The following COL15A1 variants were observed in gnomAD, a reference collection of about 807,000 sequenced individuals.
COL15A1 encodes collagen type XV alpha 1 chain, also known as collagen alpha-1(XV) chain.
In COL15A1, 111 loss-of-function variants were observed where a neutral mutation model predicts 165.9. The observed-to-expected ratio is 0.67, with a 90% confidence interval of 0.57 to 0.78. The LOEUF is 0.78. Among genes scored for constraint, COL15A1 ranks in the 30% least tolerant of loss-of-function variants. The pLI, the probability that COL15A1 is intolerant of heterozygous loss-of-function variation, is 0.00. For missense variants in COL15A1, 1,745 were observed against 1,789.7 expected, an observed-to-expected ratio of 0.98 and a Z score of 0.45; for synonymous variants, 659 against 674.8, an observed-to-expected ratio of 0.98 and a Z score of 0.36.
intron 2 of COL15A1, among the ~76,000 whole-genome samples, chr9:98,977,468 G>T (rs1330265067): frequency 6.6e-6 from 1 of 152,236 alleles, no homozygotes; most frequent in Non-Finnish European, 1.5e-5. Context: ...AAATGAGCCA[G>T]CAGGCCCAGG....
chr9:98,975,377 C>A (rs1184522223), intron 2 of COL15A1, among the ~76,000 whole-genome samples: 1 of 152,222 alleles, frequency 6.6e-6, no homozygotes, highest in Non-Finnish European at 1.5e-5. Context: ...TCCAGCCCAT[C>A]GCACGGAAGG....
chr9:99,065,430 A>G (rs1825875433), intron 39 of COL15A1, among the ~76,000 whole-genome samples: 1 of 152,032 alleles, frequency 6.6e-6, no homozygotes, highest in African/African-American at 2.4e-5. Context: ...GGGTGGGGGC[A>G]GTATAGTCAG....
At chr9:98,945,541 G>T (rs1040587633) in intron 2 of COL15A1, among the ~76,000 whole-genome samples, 1 of 151,602 alleles carries the variant, frequency 6.6e-6, no homozygotes, top group Non-Finnish European at 1.5e-5. Flanking sequence ...AAGGAAACGG[G>T]ATTGAGAAGG....
chr9:99,069,762 C>A lies in COL15A1; in HGVS notation c.4043C>A (p.Ala1348Glu). 1 of 1,614,244 alleles carries A rather than the reference C, an allele frequency of 6.2e-7. No individual in the cohort carries two copies. The highest frequency in any genetic ancestry group is 8.5e-7 in the Non-Finnish European group (1 of 1,180,036). ...GAAGCATGGCGAACCGCGGACACAG[C>A]GGTCACGGGACTTGCCTCCCCGCTG... ...YCEAWRTADTAVTGLASPLST... is the reference protein window; with the variant it reads ...YCEAWRTADTEVTGLASPLST... Residue 1348 changes from alanine to glutamate, a missense_variant, in exon 42 of 42, where the codon GCG becomes GAG. Transcript: ENST00000375001.
chr9:99,034,386 G>T (rs533084891), intron 16 of COL15A1, among the ~76,000 whole-genome samples, 163 bp from the exon 17 acceptor site: 46 of 152,204 alleles, frequency 3.0e-4, no homozygotes, highest in African/African-American at 1.0e-3. Flanking sequence ...CAACAGACTG[G>T]CACCTATTGT....
At chr9:98,986,214 C>A in intron 3 of COL15A1, 102 bp downstream of exon 3, 2 of 947,962 alleles carry the variant, frequency 2.1e-6, no homozygotes, top group Non-Finnish European at 3.1e-6. Flanking sequence ...ATTCTTATGT[C>A]CTCAAAGAAG....
intron 16 of COL15A1, among the ~76,000 whole-genome samples, chr9:99,031,415 A>C (rs1358754774): frequency 6.6e-6 from 1 of 152,184 alleles, no homozygotes; most frequent in Non-Finnish European, 1.5e-5. Context: ...TAGCAAACCC[A>C]TGAACCTCAC....
intron 39 of COL15A1, among the ~76,000 whole-genome samples, chr9:99,063,835 C>T (rs1588540817): frequency 1.3e-5 from 2 of 152,032 alleles, no homozygotes; most frequent in East Asian, 3.9e-4. Context: ...GAATATGGCG[C>T]ATTAAAGATG....
At chr9:98,963,263 C>T (rs1837891384) in intron 2 of COL15A1, among the ~76,000 whole-genome samples, 1 of 133,136 alleles carries the variant, frequency 7.5e-6, no homozygotes, top group African/African-American at 2.9e-5. Context: ...CCTCACTTCT[C>T]ACAATGCCTG....
intron 9 of COL15A1, among the ~76,000 whole-genome samples, chr9:99,008,152 T>C (rs1838793703): frequency 6.6e-6 from 1 of 152,194 alleles, no homozygotes. Flanking sequence ...TGGAGCTTTA[T>C]TCCATAAAGA....
intron 2 of COL15A1, among the ~76,000 whole-genome samples, chr9:98,955,313 G>A (rs1277720178): frequency 6.6e-6 from 1 of 152,154 alleles, no homozygotes; most frequent in Non-Finnish European, 1.5e-5. Context: ...ATTAGTGATC[G>A]GGCCTGTCAC....
rs10819531 is a variant in COL15A1, at chr9:98,969,527, C to T, written c.101-16038C>T. Among the ~76,000 whole-genome samples the T allele has an allele frequency of 1.0e-2, 1,516 of 152,336 alleles. 98 individuals are homozygous for T. The East Asian group carries it at 0.19, about 19-fold the overall frequency. ...AATGTCAGGGCAGACCAGAAGAGAACAGTGGCTGCCCAGTGGCCAGCAAGA... is the reference window on the plus strand; with the variant it reads ...AATGTCAGGGCAGACCAGAAGAGAATAGTGGCTGCCCAGTGGCCAGCAAGA... On this transcript the variant is annotated intron_variant, in intron 2 of 41. Coordinates refer to ENST00000375001, the MANE Select transcript of COL15A1 (RefSeq NM_001855.5).
At position 99,062,254 on chromosome 9, in the gene COL15A1, C is replaced by G; in HGVS notation, c.3541C>G (p.Leu1181Val). 6.2e-7 allele frequency: 1 copy of G among 1,613,572 alleles called. No individual in the cohort carries two copies. Among genetic ancestry groups the G allele is most frequent in the South Asian group, 1.1e-5 (1 of 91,068 alleles). ...ACTGTTTTTCTTAAAGCTGGGAGAA[C>G]TGATCCCCATTCCTGCCGACAGCCC... is the stretch of plus-strand genomic sequence containing the variant. ...DGWKKLQLGELIPIPADSPPP... is the reference protein window; with the variant it reads ...DGWKKLQLGEVIPIPADSPPP... The change falls in exon 38 of 42, where the codon CTG becomes GTG. Residue 1181 changes from leucine to valine, a missense_variant. Coordinates refer to ENST00000375001, the MANE Select transcript of COL15A1 (RefSeq NM_001855.5).
chr9:98,962,881 T>C (rs758826896), intron 2 of COL15A1, among the ~76,000 whole-genome samples: 1 of 152,228 alleles, frequency 6.6e-6, no homozygotes, highest in African/African-American at 2.4e-5. Context: ...GGAACTTGTC[T>C]ATCACTGCTG....
At chr9:98,982,850 C>A (rs1479297799) in intron 2 of COL15A1, among the ~76,000 whole-genome samples, 1 of 152,000 alleles carries the variant, frequency 6.6e-6, no homozygotes, top group South Asian at 2.1e-4. Context: ...CCCAGGCTGG[C>A]CTTGAACTCC....
At chr9:99,024,297 T>TTTTTTTTTA (rs1365629867) in intron 14 of COL15A1, among the ~76,000 whole-genome samples, 1 of 148,376 alleles carries the variant, frequency 6.7e-6, no homozygotes, top group African/African-American at 2.5e-5. Context: ...TTTTTTTTTT[T>TTTTTTTTTA]TGAGATGGAG....
rs368056884 is a variant in COL15A1 at position 98,990,208 on chromosome 9, CT to C, written c.804+951del. Among the ~76,000 whole-genome samples the C allele has an allele frequency of 1.8e-4, 27 of 152,320 alleles. No individual in the cohort carries two copies. In the East Asian group the frequency reaches 5.0e-3, roughly 28 times the overall value. On this transcript the variant is annotated intron_variant, in intron 5 of 41. Coordinates refer to ENST00000375001, the MANE Select transcript of COL15A1 (RefSeq NM_001855.5). ...TTTCTGTACAGAGGTGTACGGAAAA[CT>C]GCCCTTTGTGTACAAACTGAGCAAA... is the stretch of plus-strand genomic sequence containing the variant.
intron 5 of COL15A1, among the ~76,000 whole-genome samples, chr9:98,994,276 G>A (rs928746307): frequency 1.4e-4 from 22 of 152,054 alleles, no homozygotes; most frequent in African/African-American, 5.3e-4. Flanking sequence ...AGGTGATTCT[G>A]GTCCTCAGCC....
At chr9:99,014,010 T>C (rs1161975434) in intron 9 of COL15A1, among the ~76,000 whole-genome samples, 1 of 152,168 alleles carries the variant, frequency 6.6e-6, no homozygotes, top group Non-Finnish European at 1.5e-5. Flanking sequence ...GTGAGAAATT[T>C]TAGCCAATTC....
Sources: gnomAD v4.1 joint callset for allele counts (sites outside exome capture counted in the v4.1 genomes callset) on GRCh38, gnomAD v4.1.1 for gene constraint, MANE v1.5 for transcripts, NCBI Gene and HGNC (gene_info 2026-07-23, HGNC 2026-07-21) for gene names.